The following PLTP variants were observed in gnomAD, a reference collection of about 807,000 sequenced individuals.
PLTP encodes BPI fold containing family E.
A neutral mutation model predicts 54.1 loss-of-function variants in PLTP; 43 were observed. That is an observed-to-expected ratio of 0.79 (90% confidence interval 0.62 to 1.02). PLTP has a LOEUF of 1.02. Among genes scored for constraint, PLTP ranks in the 50% least tolerant of loss-of-function variants. The pLI is 0.00. For synonymous variants in PLTP, 263 were observed against 264.6 expected (o/e 0.99, Z 0.06); for missense variants, 604 against 645.9 (o/e 0.94, Z 0.70).
chr20:45,907,846 G>C lies in PLTP; in HGVS notation c.544C>G (p.Gln182Glu). ...CGACCTGTCGCTGCCCACACCTGCT[G>C]GTTGAGGAGGAAGCGCATCCCTGAG... ...ITSGMRFLLN[Q>E]QICPVLYHAG... Residue 182 changes from glutamine to glutamate, a missense_variant, in exon 6 of 16, where the codon CAG becomes GAG. Gln to Glu is a conservative substitution (Grantham distance 29). Coordinates refer to ENST00000372431, the MANE Select transcript of PLTP (RefSeq NM_006227.4). 1 of 1,600,974 alleles carries C rather than the reference G, an allele frequency of 6.2e-7. No individual in the cohort carries two copies. The highest frequency in any genetic ancestry group is 8.5e-7 in the Non-Finnish European group (1 of 1,174,402).
In PLTP at chr20:45,911,395, G is replaced by T. The variant is rs774625921; in HGVS notation, c.58C>A (p.Pro20Thr). ...ALLAGAHAEF[P>T]GCKIRVTSKA... ...GAGGTGACGCGGATCTTGCAGCCTG[G>T]GAACTCTGCATGTGCGCCTGCCAGC... The change falls in exon 2 of 16, where the codon CCA (proline) becomes ACA (threonine). Residue 20 changes from proline to threonine, a missense_variant. Physicochemically the swap from Pro to Thr is conservative, Grantham distance 38 (BLOSUM62 -1). Transcript: ENST00000372431. 6 of 1,610,436 alleles carry T rather than the reference G, an allele frequency of 3.7e-6. No homozygotes were observed. Among genetic ancestry groups the T allele is most frequent in the Non-Finnish European group, 5.1e-6 (6 of 1,180,004 alleles).
Position 45,898,988 on chromosome 20 carries a change from C to T in PLTP, c.1435G>A (p.Asp479Asn). The stretch of plus-strand genomic sequence containing the variant: ...GTGGGGGCAGTGGACGCCCTGACAT[C>T]AGCAGGCCGGTTCTTCTCAATCACC... ...REVIEKNRPA[D>N]VRASTAPTPS... The change falls in exon 16 of 16, where the codon GAT becomes AAT. Residue 479 changes from aspartate to asparagine, a missense_variant. Asp to Asn is a conservative substitution (Grantham distance 23). Transcript: ENST00000372431. The surrounding 1 kb of genome is among the most constrained non-coding windows in gnomAD (Gnocchi z 4.6). 1.9e-6 allele frequency: 3 copies of T among 1,614,182 alleles called. No individual in the cohort carries two copies. Among genetic ancestry groups the T allele is most frequent in the South Asian group, 2.2e-5 (2 of 91,088 alleles).
chr20:45,902,466 C>T lies in PLTP; in HGVS notation c.1081G>A (p.Glu361Lys), dbSNP rs2083196001. ...ATAGTCATGCTGGACAGCTGGACCT[C>T]AGGCTGGTCTGGTGGGACCAGGGCA... ...TIALVPPDQP[E>K]VQLSSMTMDA... The change falls in exon 11 of 16, where the codon GAG becomes AAG. Residue 361 changes from glutamate to lysine, a missense_variant. Coordinates refer to ENST00000372431, the MANE Select transcript of PLTP (RefSeq NM_006227.4). 6.2e-7 allele frequency: 1 copy of T among 1,614,112 alleles called. No individual in the cohort carries two copies. The highest frequency in any genetic ancestry group is 1.3e-5 in the African/African-American group (1 of 74,950).
rs200205584 is a variant in PLTP, at chr20:45,902,546, C to T, written c.1001G>A (p.Arg334His). ...KLELRVLAPP[R>H]CTIKPSGTTI... ...GGTGCCAGAGGGCTTGATGGTGCAG[C>T]GCGGTGGGGCCAGGACCCGCAGCTC... Residue 334 changes from arginine to histidine, a missense_variant, in exon 11 of 16, where the codon CGC (arginine) becomes CAC (histidine). Arg to His is a conservative substitution (Grantham distance 29). Transcript: ENST00000372431. 3.1e-5 allele frequency: 50 copies of T among 1,613,916 alleles called. No homozygotes were observed. The East Asian group carries it at 6.2e-4, about 20-fold the overall frequency.
chr20:45,898,955 TGGAC>T lies in PLTP; in HGVS notation c.1464_1467del (p.Ser489GlnfsTer32), dbSNP rs754374282. ...GGATTGAGGGCTCAGACAGCTGCTG[TGGAC>T]GGTGTGGGGGCAGTGGACGCCCTGA... On this transcript the variant is annotated frameshift_variant, in exon 16 of 16. Coordinates refer to ENST00000372431, the MANE Select transcript of PLTP (RefSeq NM_006227.4). LOFTEE classifies it high-confidence loss of function. The surrounding 1 kb of genome is among the most constrained non-coding windows in gnomAD (Gnocchi z 4.6). 1 of 1,614,072 alleles carries T rather than the reference TGGAC, an allele frequency of 6.2e-7. No individual in the cohort carries two copies. Among genetic ancestry groups the T allele is most frequent in the Non-Finnish European group, 8.5e-7 (1 of 1,179,990 alleles).
chr20:45,901,824 G>A (rs888264522), intron 12 of PLTP, among the ~76,000 whole-genome samples: 4 of 151,280 alleles, frequency 2.6e-5, no homozygotes, highest in African/African-American at 9.7e-5. Flanking sequence ...GCCTAAACCC[G>A]GGAGGCAGAG....
intron 12 of PLTP, among the ~76,000 whole-genome samples, chr20:45,901,863 C>G (rs2083187390): frequency 6.7e-6 from 1 of 148,942 alleles, no homozygotes; most frequent in Admixed American, 6.7e-5. Context: ...CACGCTATTG[C>G]ACTCCAGCCT....
In PLTP at chr20:45,905,086, C is replaced by CCTCT; in HGVS notation, c.737_738insAGAG (p.Trp246Ter). The CCTCT allele has an allele frequency of 6.2e-7, 1 of 1,614,196 alleles. No homozygotes were observed. Among genetic ancestry groups the CCTCT allele is most frequent in the Non-Finnish European group, 8.5e-7 (1 of 1,180,038 alleles). On this transcript the variant is annotated stop_gained and frameshift_variant, in exon 9 of 16. Transcript: ENST00000372431. LOFTEE classifies it high-confidence loss of function. ...GCTCCACTGCCCGGTTGGGGAGGCT[C>CCTCT]CAGTTCCTCTCAGTCAGGGGGAAGA...
chr20:45,907,883 GGA>G lies in PLTP; in HGVS notation c.505_506del (p.Ser169HisfsTer47). ...GTFKKVYDFL[S>X]TFITSGMRFL... The stretch of plus-strand genomic sequence containing the variant: ...AGCGCATCCCTGAGGTGATGAACGT[GGA>G]GAGAAAATCATACACCTTCCTGTGA... On this transcript the variant is annotated frameshift_variant, in exon 6 of 16. Coordinates refer to ENST00000372431, the MANE Select transcript of PLTP (RefSeq NM_006227.4). LOFTEE classifies it high-confidence loss of function. 6.3e-7 allele frequency: 1 copy of G among 1,586,874 alleles called. No individual in the cohort carries two copies. Among genetic ancestry groups the G allele is most frequent in the Non-Finnish European group, 8.6e-7 (1 of 1,167,064 alleles).
intron 8 of PLTP, among the ~76,000 whole-genome samples, chr20:45,905,776 A>G (rs1009699046): frequency 2.6e-5 from 4 of 152,224 alleles, no homozygotes; most frequent in African/African-American, 9.6e-5. Context: ...TGAAACTGCT[A>G]TACTCCTCTG....
chr20:45,907,137 G>GT lies in PLTP; in HGVS notation c.613+554_613+555insA, dbSNP rs1436354847. Among the ~76,000 whole-genome samples, 273 of 75,710 alleles carry GT rather than the reference G, an allele frequency of 3.6e-3. 54 individuals carry two copies. The highest frequency in any genetic ancestry group is 9.0e-3 in the Non-Finnish European group (204 of 22,792). 49.7% of individuals were successfully genotyped at this position (75,710 alleles called of 152,430 possible). ...AGGTCAGGAGATCGAGACCATCCCG[G>GT]CCAACATGGTGAAACCCCGTCTCTA... On this transcript the variant is annotated intron_variant, in intron 7 of 15. Transcript: ENST00000372431.
At chr20:45,911,678 A>C in intron 1 of PLTP, 1 of 642,938 alleles carries the variant, frequency 1.6e-6, no homozygotes, top group Non-Finnish European at 2.7e-6. Context: ...GATTTGGGAC[A>C]CGGGGGAGGG....
At position 45,906,375 on chromosome 20, in the gene PLTP, C is replaced by G. The variant is rs753438354; in HGVS notation, c.614-16G>C. On this transcript the variant is annotated splice_polypyrimidine_tract_variant and intron_variant, in intron 7 of 15. Coordinates refer to ENST00000372431, the MANE Select transcript of PLTP (RefSeq NM_006227.4). ...GAACTGCGCACTGCAGGAAGGGGCT[C>G]AAGTCACTCACGGCTGTGTGATGTG... 31 of 1,602,326 alleles carry G rather than the reference C, an allele frequency of 1.9e-5. No individual in the cohort carries two copies. The highest frequency in any genetic ancestry group is 2.6e-5 in the Non-Finnish European group (30 of 1,171,070).
intron 8 of PLTP, among the ~76,000 whole-genome samples, chr20:45,905,563 C>T (rs1240124127): frequency 2.6e-5 from 4 of 152,202 alleles, no homozygotes; most frequent in Non-Finnish European, 5.9e-5. Flanking sequence ...TGCTTAGGGC[C>T]GTGCAGCTAG....
intron 3 of PLTP, among the ~76,000 whole-genome samples, chr20:45,910,431 C>T (rs2083279160): frequency 6.6e-6 from 1 of 152,086 alleles, no homozygotes; most frequent in African/African-American, 2.4e-5. Context: ...GTCTGGCCAA[C>T]ATAGTGAAAC....
chr20:45,902,778 T>G (rs11569649), intron 10 of PLTP, among the ~76,000 whole-genome samples, 174 bp from the exon 11 acceptor site: 18,121 of 152,304 alleles, frequency 0.12, 2,378 homozygotes, highest in African/African-American at 0.32. Context: ...CCTTCATGCC[T>G]TTGCCACACA....
At chr20:45,909,205 C>T (rs917764178) in intron 5 of PLTP, among the ~76,000 whole-genome samples, 6 of 152,098 alleles carry the variant, frequency 3.9e-5, no homozygotes, top group Admixed American at 3.3e-4. Context: ...CCTTGTGATC[C>T]GCCCGCCCAG....
intron 7 of PLTP, 119 bp from the exon 8 acceptor site, chr20:45,906,478 G>A (rs1156797699): frequency 6.4e-6 from 5 of 784,746 alleles, no homozygotes; most frequent in Non-Finnish European, 2.2e-6. Flanking sequence ...GTTGTCATGA[G>A]GGTCAAATTA....
chr20:45,902,383 C>A, intron 11 of PLTP, 49 bp from the exon 12 acceptor site: 1 of 1,613,962 alleles, frequency 6.2e-7, no homozygotes. Flanking sequence ...AGGTCAGTAA[C>A]CCACAGCCCA....
Sources: gnomAD v4.1 joint callset for allele counts (sites outside exome capture counted in the v4.1 genomes callset) on GRCh38, gnomAD v4.1.1 for gene constraint, Gnocchi (gnomAD v3.1) non-coding constraint, MANE v1.5 for transcripts, NCBI Gene and HGNC (gene_info 2026-07-23, HGNC 2026-07-21) for gene names.